Variants in DHRS7B observed in about 807,000 individuals in gnomAD.
DHRS7B encodes peroxisomal reductase activating PPAR-gamma.
A neutral mutation model predicts 26.4 loss-of-function variants in DHRS7B; 24 were observed. The observed-to-expected ratio is 0.91, with a 90% CI of 0.66 to 1.28. The LOEUF (loss-of-function observed/expected upper bound fraction) is 1.28, where lower values mean the gene tolerates loss of function less well. Among genes scored for constraint, DHRS7B ranks in the 50% most tolerant of loss-of-function variants. The pLI, the probability that DHRS7B is intolerant of heterozygous loss-of-function variation, is 0.00. For synonymous variants in DHRS7B, 142 were observed against 166.4 expected (o/e 0.85, Z 1.13); for missense variants, 368 against 419.4 (o/e 0.88, Z 1.07).
chr17:21,150,754 G>A (rs575265674), intron 1 of DHRS7B, among the ~76,000 whole-genome samples: 2 of 152,282 alleles, frequency 1.3e-5, no homozygotes, highest in South Asian at 4.1e-4. Flanking sequence ...TTATTTTATA[G>A]TTCTAAAAGT....
intron 1 of DHRS7B, among the ~76,000 whole-genome samples, chr17:21,144,232 C>T (rs888469014): frequency 5.3e-5 from 8 of 152,130 alleles, no homozygotes; most frequent in African/African-American, 7.2e-5. Context: ...GGAACTGTTA[C>T]CTCTTTACGT....
At chr17:21,188,884 T>G in intron 6 of DHRS7B, 21 bp downstream of exon 6, 1 of 1,614,128 alleles carries the variant, frequency 6.2e-7, no homozygotes, top group African/African-American at 1.3e-5. Flanking sequence ...GTTTCTCTTT[T>G]CTCCTATGAA....
At chr17:21,165,319 T>C (rs1251778831) in intron 1 of DHRS7B, among the ~76,000 whole-genome samples, 1 of 152,020 alleles carries the variant, frequency 6.6e-6, no homozygotes, top group Non-Finnish European at 1.5e-5. Context: ...TATTCCAGTG[T>C]CTTCTGGTAA....
intron 5 of DHRS7B, among the ~76,000 whole-genome samples, chr17:21,185,270 C>T (rs1321813409): frequency 1.3e-5 from 2 of 152,266 alleles, no homozygotes; most frequent in East Asian, 3.8e-4. Context: ...GGGCTAGACC[C>T]AGCCACAGCC....
At chr17:21,178,887 A>G (rs1974451430) in intron 3 of DHRS7B, among the ~76,000 whole-genome samples, 1 of 152,076 alleles carries the variant, frequency 6.6e-6, no homozygotes, top group Admixed American at 6.6e-5. Context: ...TCCTGATCTC[A>G]GATGATCTGC....
intron 2 of DHRS7B, among the ~76,000 whole-genome samples, chr17:21,176,883 C>T (rs1974390944): frequency 6.6e-6 from 1 of 152,058 alleles, no homozygotes; most frequent in Non-Finnish European, 1.5e-5. Context: ...GGCTGTCCTG[C>T]TTTTCATAAG....
chr17:21,163,719 C>A (rs922352686), intron 1 of DHRS7B, among the ~76,000 whole-genome samples: 1 of 152,122 alleles, frequency 6.6e-6, no homozygotes, highest in African/African-American at 2.4e-5. Context: ...CTTGTTGATT[C>A]ACTGATATCC....
intron 1 of DHRS7B, among the ~76,000 whole-genome samples, chr17:21,131,083 C>T (rs1020737232): frequency 6.6e-6 from 1 of 152,178 alleles, no homozygotes; most frequent in Admixed American, 6.5e-5. Context: ...GAATTTGCTA[C>T]TGGAGAAGAG....
At chr17:21,171,589 C>T (rs1318293811) in intron 1 of DHRS7B, 2 of 297,596 alleles carry the variant, frequency 6.7e-6, no homozygotes, top group East Asian at 1.7e-4. Flanking sequence ...CTTCCTTTTT[C>T]CTTTCCTCAA....
chr17:21,145,365 G>A (rs1243163391), intron 1 of DHRS7B, among the ~76,000 whole-genome samples: 1 of 151,860 alleles, frequency 6.6e-6, no homozygotes, highest in Admixed American at 6.6e-5. Context: ...TTAAATTATA[G>A]TACTTAATGG....
At chr17:21,175,330 T>C (rs549831451) in intron 2 of DHRS7B, among the ~76,000 whole-genome samples, 4 of 152,332 alleles carry the variant, frequency 2.6e-5, no homozygotes, top group African/African-American at 9.6e-5. Flanking sequence ...TTCAGACCAG[T>C]ACACACCGCC....
intron 2 of DHRS7B, among the ~76,000 whole-genome samples, chr17:21,173,753 A>T (rs1259700346): frequency 1.3e-5 from 2 of 152,106 alleles, no homozygotes; most frequent in Non-Finnish European, 2.9e-5. Flanking sequence ...CAGTCCTCTG[A>T]CCTTACTCAG....
chr17:21,185,058 AT>A (rs946260157), intron 5 of DHRS7B, among the ~76,000 whole-genome samples: 17 of 152,052 alleles, frequency 1.1e-4, no homozygotes, highest in Admixed American at 2.6e-4. Context: ...ACACTTGAGG[AT>A]TTTTTTTCCC....
intron 1 of DHRS7B, among the ~76,000 whole-genome samples, chr17:21,154,268 A>T (rs947691103): frequency 1.3e-5 from 2 of 152,080 alleles, no homozygotes; most frequent in Non-Finnish European, 2.9e-5. Context: ...CGAGATCGTG[A>T]CATTGCATCC....
At chr17:21,149,249 G>A (rs1435772565) in intron 1 of DHRS7B, among the ~76,000 whole-genome samples, 2 of 151,966 alleles carry the variant, frequency 1.3e-5, no homozygotes, top group Non-Finnish European at 2.9e-5. Flanking sequence ...CAAAAATACT[G>A]TGTCCAGCAA....
intron 1 of DHRS7B, 55 bp from the exon 2 acceptor site, chr17:21,171,963 A>G (rs751017501): frequency 3.1e-6 from 5 of 1,606,196 alleles, no homozygotes; most frequent in Non-Finnish European, 3.4e-6. Flanking sequence ...AGCCTAGGAA[A>G]GTCCCCTGAA....
chr17:21,151,373 G>A (rs1025249786), intron 1 of DHRS7B, among the ~76,000 whole-genome samples: 1 of 151,994 alleles, frequency 6.6e-6, no homozygotes, highest in African/African-American at 2.4e-5. Context: ...AATTAGCTGG[G>A]CGTGTTGGCA....
chr17:21,183,300 T>C (rs1211021876), intron 3 of DHRS7B, among the ~76,000 whole-genome samples: 2 of 152,196 alleles, frequency 1.3e-5, no homozygotes, highest in Admixed American at 1.3e-4. Context: ...GTCTTCTGTT[T>C]TTTCCTTGTC....
At chr17:21,182,320 C>T (rs892394754) in intron 3 of DHRS7B, among the ~76,000 whole-genome samples, 2 of 152,050 alleles carry the variant, frequency 1.3e-5, no homozygotes, top group African/African-American at 4.8e-5. Context: ...GCGATCTCGG[C>T]TCACCACAAC....
Sources: gnomAD v4.1 joint callset for allele counts (sites outside exome capture counted in the v4.1 genomes callset) on GRCh38, gnomAD v4.1.1 for gene constraint, MANE v1.5 for transcripts, NCBI Gene and HGNC (gene_info 2026-07-23, HGNC 2026-07-21) for gene names.